The following TACR3 variants were observed in gnomAD, a reference collection of about 807,000 sequenced individuals.
TACR3 encodes neuromedin-K receptor.
A neutral mutation model predicts 35.0 loss-of-function variants in TACR3; 34 were observed. The ratio of observed to expected loss-of-function variants is 0.97; its 90% CI spans 0.74 to 1.30. The LOEUF (loss-of-function observed/expected upper bound fraction) is 1.30, where lower values mean the gene tolerates loss of function less well. Among genes scored for constraint, TACR3 ranks in the 50% most tolerant of loss-of-function variants. The pLI is 0.00. For synonymous variants in TACR3, 233 were observed against 221.1 expected (o/e 1.05, Z -0.48); for missense variants, 558 against 591.7 (o/e 0.94, Z 0.59).
intron 4 of TACR3, 51 bp from the exon 5 acceptor site, chr4:103,590,045 T>C (rs899797214): frequency 1.3e-6 from 2 of 1,569,508 alleles, no homozygotes; most frequent in Non-Finnish European, 1.7e-6. Flanking sequence ...CAAGCAGATA[T>C]GTCTTTCAGC....
chr4:103,613,626 T>A (rs1724563057), intron 3 of TACR3, among the ~76,000 whole-genome samples: 1 of 152,142 alleles, frequency 6.6e-6, no homozygotes, highest in Non-Finnish European at 1.5e-5. Context: ...CGTGCAAGAC[T>A]AATATTGTAT....
chr4:103,648,740 A>G (rs564776564), intron 3 of TACR3, among the ~76,000 whole-genome samples: 7 of 152,290 alleles, frequency 4.6e-5, no homozygotes, highest in South Asian at 4.1e-4. Flanking sequence ...TAATGTTGCA[A>G]TAAACATGGG....
chr4:103,614,882 G>GTTTTTT lies in TACR3; in HGVS notation c.889-23200_889-23199insAAAAAA, dbSNP rs1325226834. ...ACTATAACCTAAGTTGATTATGAAT[G>GTTTTTT]TGTTTTTTTTTTTTTTTTTTTTTTT... is the stretch of plus-strand genomic sequence containing the variant. On this transcript the variant is annotated intron_variant, in intron 3 of 4. Coordinates refer to ENST00000304883, the MANE Select transcript of TACR3 (RefSeq NM_001059.3). 3.1e-4 allele frequency among the ~76,000 whole-genome samples: 28 copies of GTTTTTT among 90,866 alleles called. No individual in the cohort carries two copies. In the East Asian group the frequency reaches 3.3e-3, roughly 11 times the overall value. 59.6% of individuals were successfully genotyped at this position (90,866 alleles called of 152,430 possible).
intron 3 of TACR3, among the ~76,000 whole-genome samples, chr4:103,638,550 AC>A (rs1032816254): frequency 1.9e-4 from 29 of 152,234 alleles, no homozygotes; most frequent in Admixed American, 7.2e-4. Context: ...CATGTCTAAA[AC>A]ACCAAAAGCA....
intron 3 of TACR3, among the ~76,000 whole-genome samples, chr4:103,650,683 CATATATAATATATAT>C (rs1560821985): frequency 0.046 from 428 of 9,320 alleles, 19 homozygotes; most frequent in African/African-American, 0.25. Flanking sequence ...TATATTATAT[CATATATAATATATAT>C]TTATATATAT....
At chr4:103,630,583 CTCA>C (rs1361686783) in intron 3 of TACR3, among the ~76,000 whole-genome samples, 2 of 152,146 alleles carry the variant, frequency 1.3e-5, no homozygotes, top group African/African-American at 4.8e-5. Flanking sequence ...TGAAAAAATG[CTCA>C]TCATCACTGG....
Position 103,587,691 on chromosome 4 carries a change from C to T in TACR3, c.*1991G>A, listed in dbSNP as rs923833149. 2 of 152,010 alleles carry T rather than the reference C, an allele frequency of 1.3e-5. No homozygotes were observed. The highest frequency in any genetic ancestry group is 4.8e-5 in the African/African-American group (2 of 41,414). 9.4% of individuals were successfully genotyped at this position (152,010 alleles called of 1,614,324 possible). A position where few individuals can be genotyped will look rare whatever the true frequency, so the allele number is the denominator to read the frequency against. ...ACATTAATTAATGCTAGTACCATAT[C>T]ATTCATAAATTTAAGAAAATAATAA... is the stretch of plus-strand genomic sequence containing the variant. On this transcript the variant is annotated 3_prime_UTR_variant, in exon 5 of 5. Coordinates refer to ENST00000304883, the MANE Select transcript of TACR3 (RefSeq NM_001059.3).
At chr4:103,712,289 G>C (rs1023924058) in intron 1 of TACR3, among the ~76,000 whole-genome samples, 3 of 151,880 alleles carry the variant, frequency 2.0e-5, no homozygotes, top group Admixed American at 1.3e-4. Flanking sequence ...CATACCAATG[G>C]AACAGAACAG....
intron 1 of TACR3, among the ~76,000 whole-genome samples, chr4:103,713,067 C>T (rs1030823447): frequency 1.8e-4 from 27 of 152,214 alleles, no homozygotes; most frequent in African/African-American, 6.3e-4. Flanking sequence ...GACAGTGTGG[C>T]GATTCCTCAA....
At chr4:103,691,547 A>G (rs1308205165) in intron 1 of TACR3, among the ~76,000 whole-genome samples, 6 of 152,132 alleles carry the variant, frequency 3.9e-5, no homozygotes, top group Non-Finnish European at 7.3e-5. Context: ...TGAACTATCC[A>G]TGCATTAAAA....
At chr4:103,713,110 C>G (rs1480868380) in intron 1 of TACR3, among the ~76,000 whole-genome samples, 1 of 152,094 alleles carries the variant, frequency 6.6e-6, no homozygotes, top group Non-Finnish European at 1.5e-5. Flanking sequence ...TTTGACCCAG[C>G]CATCCCATTA....
chr4:103,642,748 A>G (rs890666373), intron 3 of TACR3, among the ~76,000 whole-genome samples: 3 of 151,836 alleles, frequency 2.0e-5, no homozygotes, highest in African/African-American at 7.2e-5. Context: ...GTTTAATAAC[A>G]GTAGGGTGAC....
rs577717655 is a variant in TACR3 at position 103,588,059 on chromosome 4, G to T, written c.*1623C>A. The stretch of plus-strand genomic sequence containing the variant: ...CAGCTGGAACACATATGTTTAGCTT[G>T]TTTAGACTCCGAACTTTTTGTAACA... On this transcript the variant is annotated 3_prime_UTR_variant, in exon 5 of 5. Coordinates refer to ENST00000304883, the MANE Select transcript of TACR3 (RefSeq NM_001059.3). 6.6e-6 allele frequency: 1 copy of T among 151,964 alleles called. No individual in the cohort carries two copies. The highest frequency in any genetic ancestry group is 2.1e-4 in the South Asian group (1 of 4,820). The allele number at this position is 151,964 out of a possible 1,614,324, so 9.4% of individuals were successfully genotyped here.
chr4:103,598,245 T>C (rs1054005744), intron 3 of TACR3, among the ~76,000 whole-genome samples: 2 of 152,250 alleles, frequency 1.3e-5, no homozygotes. Context: ...GCTGCATAAA[T>C]GTCTTCTTTT....
intron 3 of TACR3, among the ~76,000 whole-genome samples, chr4:103,604,867 A>G (rs561909124): frequency 4.8e-4 from 72 of 151,210 alleles, no homozygotes; most frequent in African/African-American, 1.7e-3. Flanking sequence ...TTTAGGGTAC[A>G]TGTGCACATT....
At chr4:103,709,465 T>C (rs190923743) in intron 1 of TACR3, among the ~76,000 whole-genome samples, 10 of 152,306 alleles carry the variant, frequency 6.6e-5, no homozygotes, top group African/African-American at 2.2e-4. Context: ...CTGAGAGATT[T>C]TGTCACCACT....
At chr4:103,592,842 G>A (rs1480294156) in intron 3 of TACR3, among the ~76,000 whole-genome samples, 2 of 152,130 alleles carry the variant, frequency 1.3e-5, no homozygotes, top group Non-Finnish European at 2.9e-5. Context: ...CATGATTTTA[G>A]AAATAGGCAA....
chr4:103,601,504 G>A (rs1212694838), intron 3 of TACR3, among the ~76,000 whole-genome samples: 1 of 152,174 alleles, frequency 6.6e-6, no homozygotes, highest in African/African-American at 2.4e-5. Context: ...AATTTGGCAT[G>A]TTTTTGCAAT....
intron 3 of TACR3, among the ~76,000 whole-genome samples, chr4:103,607,166 A>G (rs1724394658): frequency 6.6e-6 from 1 of 152,154 alleles, no homozygotes; most frequent in Non-Finnish European, 1.5e-5. Context: ...ATAATTCTTA[A>G]TTAGACTTAG....
Sources: allele counts gnomAD v4.1 joint callset (sites outside exome capture counted in the v4.1 genomes callset), GRCh38; gene constraint gnomAD v4.1.1; transcripts MANE v1.5; gene names NCBI Gene and HGNC (gene_info 2026-07-23, HGNC 2026-07-21).